The following ADAM18 variants were observed in gnomAD, a reference collection of about 807,000 sequenced individuals.
ADAM18 encodes disintegrin and metalloproteinase domain-containing protein 18.
Under a neutral mutation model 94.4 loss-of-function variants are expected in ADAM18, and 117 were observed. The observed-to-expected ratio is 1.24, with a 90% confidence interval of 1.07 to 1.45. The LOEUF (loss-of-function observed/expected upper bound fraction) is 1.45. Ranked by LOEUF, ADAM18 falls within the 40% of genes most tolerant of loss-of-function variation. The probability of loss-of-function intolerance (pLI) is 0.00; values close to 1 mark genes in which losing one functional copy is unlikely to be tolerated. For synonymous variants in ADAM18, 327 were observed against 291.6 expected, an observed-to-expected ratio of 1.12 and a Z score of -1.24; for missense variants, 936 against 880.0, an observed-to-expected ratio of 1.06 and a Z score of -0.81.
intron 11 of ADAM18, 127 bp downstream of exon 11, chr8:39,645,601 G>A (rs1585933504): frequency 4.4e-6 from 4 of 899,956 alleles, no homozygotes; most frequent in Non-Finnish European, 6.6e-6. Flanking sequence ...TGCTTGTAAA[G>A]TTATCACACA....
At chr8:39,587,734 C>A (rs899636344) in intron 2 of ADAM18, among the ~76,000 whole-genome samples, 4 of 152,130 alleles carry the variant, frequency 2.6e-5, no homozygotes, top group African/African-American at 9.7e-5. Flanking sequence ...GCGTTAGCCA[C>A]CACACCCACC....
intron 16 of ADAM18, among the ~76,000 whole-genome samples, chr8:39,683,821 T>C (rs1821534062): frequency 6.6e-6 from 1 of 152,150 alleles, no homozygotes; most frequent in South Asian, 2.1e-4. Flanking sequence ...TTTCTCCTAC[T>C]CTGTAGTTTG....
At chr8:39,630,351 G>A (rs373992249) in intron 7 of ADAM18, among the ~76,000 whole-genome samples, 30 of 151,096 alleles carry the variant, frequency 2.0e-4, no homozygotes, top group East Asian at 1.9e-3. Context: ...GAGGCACTAC[G>A]TACATTATGT....
chr8:39,665,544 C>T (rs1281477026), intron 13 of ADAM18, among the ~76,000 whole-genome samples: 1 of 152,190 alleles, frequency 6.6e-6, no homozygotes, highest in Non-Finnish European at 1.5e-5. Context: ...ACTGTACTAT[C>T]TTGAGTTCCC....
chr8:39,686,949 A>C (rs1249098510), intron 16 of ADAM18, among the ~76,000 whole-genome samples: 1 of 152,226 alleles, frequency 6.6e-6, no homozygotes, highest in African/African-American at 2.4e-5. Flanking sequence ...GTTAGCTAAG[A>C]GTGCCTTCAT....
chr8:39,612,354 G>T (rs1819304341), intron 6 of ADAM18, among the ~76,000 whole-genome samples: 2 of 152,164 alleles, frequency 1.3e-5, no homozygotes, highest in African/African-American at 4.8e-5. Flanking sequence ...CTCATCCCTG[G>T]CTCCCAGCAG....
chr8:39,676,678 T>A (rs1025029817), intron 14 of ADAM18, among the ~76,000 whole-genome samples: 23 of 152,208 alleles, frequency 1.5e-4, no homozygotes, highest in African/African-American at 5.1e-4. Flanking sequence ...CCCAGTGAGA[T>A]GAACCAGGTA....
At chr8:39,677,399 T>A in intron 14 of ADAM18, 32 bp from the exon 15 acceptor site, 1 of 1,516,970 alleles carries the variant, frequency 6.6e-7, no homozygotes, top group Non-Finnish European at 9.0e-7. Flanking sequence ...ATATTAAGAA[T>A]GATAATTCAA....
chr8:39,653,192 C>T lies in ADAM18; in HGVS notation c.1230+4665C>T, dbSNP rs150432825. ...AAATAATCAGAAGTTTGTGTGTCAACGCATGTGTTAATTAGCTTGATTTAG... is the reference window on the plus strand; with the variant it reads ...AAATAATCAGAAGTTTGTGTGTCAATGCATGTGTTAATTAGCTTGATTTAG... On this transcript the variant is annotated intron_variant, in intron 12 of 19. Coordinates refer to ENST00000265707, the MANE Select transcript of ADAM18 (RefSeq NM_014237.3). Among the ~76,000 whole-genome samples the T allele has an allele frequency of 6.8e-3, 1,028 of 152,148 alleles. 6 individuals carry two copies. Among genetic ancestry groups the T allele is most frequent in the African/African-American group, 0.023 (971 of 41,520 alleles).
At chr8:39,699,131 C>T (rs992647839) in intron 17 of ADAM18, among the ~76,000 whole-genome samples, 5 of 152,052 alleles carry the variant, frequency 3.3e-5, no homozygotes, top group Middle Eastern at 3.4e-3. Flanking sequence ...TCTAAATGTG[C>T]CAAATTGGTA....
At chr8:39,713,377 T>C (rs186123183) in intron 18 of ADAM18, among the ~76,000 whole-genome samples, 43 of 152,280 alleles carry the variant, frequency 2.8e-4, no homozygotes, top group Admixed American at 2.5e-3. Context: ...GACATAGGCA[T>C]GGGCAAGGAC....
intron 12 of ADAM18, among the ~76,000 whole-genome samples, chr8:39,650,245 G>A (rs1197145648): frequency 6.6e-6 from 1 of 152,092 alleles, no homozygotes; most frequent in South Asian, 2.1e-4. Flanking sequence ...AAAACCAATT[G>A]TAGGCTTTTT....
chr8:39,616,070 G>A (rs1227438011), intron 6 of ADAM18, among the ~76,000 whole-genome samples: 1 of 152,044 alleles, frequency 6.6e-6, no homozygotes. Flanking sequence ...AACAAATGGG[G>A]AAAATATTTT....
At chr8:39,606,907 C>A (rs1241110108) in intron 3 of ADAM18, among the ~76,000 whole-genome samples, 1 of 152,110 alleles carries the variant, frequency 6.6e-6, no homozygotes, top group East Asian at 1.9e-4. Flanking sequence ...GGGGGAACTT[C>A]TGAGCCAGGA....
rs1563292600 is a variant in ADAM18 at position 39,654,153 on chromosome 8, C to CTTTTTTT, written c.1230+5626_1230+5627insTTTTTTT. Among the ~76,000 whole-genome samples, 420 of 118,698 alleles carry CTTTTTTT rather than the reference C, an allele frequency of 3.5e-3. 31 individuals carry two copies. Among genetic ancestry groups the CTTTTTTT allele is most frequent in the African/African-American group, 0.014 (398 of 29,228 alleles). The allele number at this position is 118,698 out of a possible 152,430, so 77.9% of individuals were successfully genotyped here. On this transcript the variant is annotated intron_variant, in intron 12 of 19. Transcript: ENST00000265707. ...TTGCTGCCACTGACAGGATTTCATTCCTTTTTTTTTTTTTTTTTTTTGGAG... is the reference window on the plus strand; with the variant it reads ...TTGCTGCCACTGACAGGATTTCATTCTTTTTTTCTTTTTTTTTTTTTTTTTTTTGGAG...
intron 6 of ADAM18, among the ~76,000 whole-genome samples, chr8:39,626,561 G>A (rs1317388749): frequency 6.6e-6 from 1 of 151,738 alleles, no homozygotes; most frequent in Non-Finnish European, 1.5e-5. Context: ...TTTCCTCTCA[G>A]CGCTGCATTT....
At chr8:39,687,001 A>G (rs1821624545) in intron 16 of ADAM18, among the ~76,000 whole-genome samples, 1 of 151,196 alleles carries the variant, frequency 6.6e-6, no homozygotes. Context: ...ATAGATTCCT[A>G]TTTTTTTTTA....
intron 14 of ADAM18, among the ~76,000 whole-genome samples, chr8:39,672,181 CT>C (rs1253789068): frequency 6.6e-6 from 1 of 152,108 alleles, no homozygotes; most frequent in Non-Finnish European, 1.5e-5. Flanking sequence ...AATCTATGTA[CT>C]GTGTATTTAA....
intron 6 of ADAM18, among the ~76,000 whole-genome samples, chr8:39,616,583 A>G (rs1281605232): frequency 6.6e-6 from 1 of 152,214 alleles, no homozygotes; most frequent in African/African-American, 2.4e-5. Flanking sequence ...GAGCTAAAAG[A>G]ACAAAGCTGC....
Sources: allele counts gnomAD v4.1 joint callset (sites outside exome capture counted in the v4.1 genomes callset), GRCh38; gene constraint gnomAD v4.1.1; transcripts MANE v1.5; gene names NCBI Gene and HGNC (gene_info 2026-07-23, HGNC 2026-07-21).